The following TOP6BL variants were observed in gnomAD, a reference collection of about 807,000 sequenced individuals.
The protein encoded by TOP6BL is TOP6B like initiator of meiotic double strand breaks, also known as type 2 DNA topoisomerase 6 subunit B-like.
the TOP6BL span, among the ~76,000 whole-genome samples, chr11:66,749,997 T>C: frequency 2.6e-5 from 4 of 152,210 alleles, no homozygotes; most frequent in South Asian, 8.3e-4. Context: ...TTGAGATGAT[T>C]ATTAACATTG....
chr11:66,745,944 G>C, the TOP6BL span, among the ~76,000 whole-genome samples: 1 of 152,158 alleles, frequency 6.6e-6, no homozygotes. Flanking sequence ...CCGAGTAGCT[G>C]GGATTACAGG....
At chr11:66,814,093 C>G in the TOP6BL span, 5 of 1,425,412 alleles carry the variant, frequency 3.5e-6, no homozygotes, top group Non-Finnish European at 4.8e-6. Context: ...ATGAATAGAA[C>G]GTGTGTATAA....
the TOP6BL span, among the ~76,000 whole-genome samples, chr11:66,789,144 T>C: frequency 2.0e-5 from 3 of 152,228 alleles, no homozygotes; most frequent in Admixed American, 6.5e-5. Flanking sequence ...AGGTGATTCC[T>C]AATATGCAGA....
chr11:66,761,326 G>A, the TOP6BL span, among the ~76,000 whole-genome samples: 1 of 151,774 alleles, frequency 6.6e-6, no homozygotes, highest in African/African-American at 2.4e-5. Context: ...AGCCGAGATT[G>A]CGCCACTGCA....
At chr11:66,785,205 C>A in the TOP6BL span, among the ~76,000 whole-genome samples, 2 of 151,902 alleles carry the variant, frequency 1.3e-5, no homozygotes, top group African/African-American at 4.8e-5. Context: ...GTGATCCACC[C>A]GTCTTAACCT....
At chr11:66,749,891 T>A in the TOP6BL span, among the ~76,000 whole-genome samples, 1 of 152,054 alleles carries the variant, frequency 6.6e-6, no homozygotes, top group Admixed American at 6.6e-5. Flanking sequence ...GTTTATATAT[T>A]TTTTTTGGGT....
chr11:66,828,573 C>T, the TOP6BL span: 5 of 505,116 alleles, frequency 9.9e-6, no homozygotes, highest in African/African-American at 5.8e-5. Context: ...TCTTGAAAAC[C>T]GTTGTTTCAT....
chr11:66,833,082 C>T, the TOP6BL span, among the ~76,000 whole-genome samples: 1 of 126,098 alleles, frequency 7.9e-6, no homozygotes, highest in Non-Finnish European at 1.6e-5. Flanking sequence ...GAGTCTTGCT[C>T]TGTCGCCCAG....
chr11:66,764,244 A>G, the TOP6BL span, among the ~76,000 whole-genome samples: 1 of 152,090 alleles, frequency 6.6e-6, no homozygotes, highest in Non-Finnish European at 1.5e-5. Context: ...ACATCTAATT[A>G]TTTATAAGTT....
the TOP6BL span, among the ~76,000 whole-genome samples, chr11:66,824,419 A>ATTT: frequency 9.5e-4 from 107 of 112,286 alleles, no homozygotes; most frequent in African/African-American, 3.7e-3. Context: ...CTAATTTTGT[A>ATTT]TTTATTATTA....
chr11:66,779,839 G>T, the TOP6BL span, among the ~76,000 whole-genome samples: 2 of 152,122 alleles, frequency 1.3e-5, no homozygotes, highest in South Asian at 2.1e-4. Context: ...CATAAAAAAT[G>T]ATGAGTTCAT....
At chr11:66,750,912 C>T in the TOP6BL span, among the ~76,000 whole-genome samples, 1 of 149,128 alleles carries the variant, frequency 6.7e-6, no homozygotes, top group Admixed American at 6.8e-5. Flanking sequence ...GCTATGTTGC[C>T]CAGGCTGGTC....
the TOP6BL span, among the ~76,000 whole-genome samples, chr11:66,810,084 G>A: frequency 6.6e-6 from 1 of 152,032 alleles, no homozygotes; most frequent in African/African-American, 2.4e-5. Context: ...TATGTATAGA[G>A]GAACAAAATA....
At chr11:66,837,386 C>G in the TOP6BL span, among the ~76,000 whole-genome samples, 1 of 151,900 alleles carries the variant, frequency 6.6e-6, no homozygotes, top group Non-Finnish European at 1.5e-5. Context: ...CTCGGCCTCC[C>G]AAAGTGCTGG....
At chr11:66,842,778 T>G in the TOP6BL span, 1 of 1,419,046 alleles carries the variant, frequency 7.0e-7, no homozygotes, top group South Asian at 1.4e-5. Context: ...TCTCCCAGGC[T>G]TCCCCTTGGC....
the TOP6BL span, among the ~76,000 whole-genome samples, chr11:66,816,881 C>A: frequency 6.6e-6 from 1 of 152,144 alleles, no homozygotes; most frequent in East Asian, 1.9e-4. Flanking sequence ...AGGCTGGGTG[C>A]GGTGGCTCAT....
At chr11:66,819,309 G>C in the TOP6BL span, among the ~76,000 whole-genome samples, 1 of 152,022 alleles carries the variant, frequency 6.6e-6, no homozygotes, top group African/African-American at 2.4e-5. Flanking sequence ...GCATTTGGTG[G>C]TCAAAAGTTT....
the TOP6BL span, among the ~76,000 whole-genome samples, chr11:66,750,066 G>T: frequency 2.6e-5 from 4 of 151,968 alleles, no homozygotes; most frequent in Admixed American, 1.3e-4. Context: ...CTGTCTTCTA[G>T]ATTTTTCTAT....
At chr11:66,779,528 A>T in the TOP6BL span, among the ~76,000 whole-genome samples, 1 of 152,162 alleles carries the variant, frequency 6.6e-6, no homozygotes, top group East Asian at 1.9e-4. Flanking sequence ...GCTGGAGAGG[A>T]TGTGGAGAAA....
Sources: gnomAD v4.1 joint callset for allele counts (sites outside exome capture counted in the v4.1 genomes callset) on GRCh38, gnomAD v4.1.1 for gene constraint, MANE v1.5 for transcripts, NCBI Gene and HGNC (gene_info 2026-07-23, HGNC 2026-07-21) for gene names.